INSC: variants seen among roughly 807,000 people sequenced by gnomAD.
INSC encodes protein inscuteable homolog.
INSC carries 67 observed loss-of-function variants against 58.6 expected under a neutral mutation model. That is an observed-to-expected ratio of 1.14 (90% CI 0.94 to 1.40). INSC has a LOEUF of 1.40. INSC is among the 40% of genes most tolerant of loss of function. INSC has a pLI of 0.00. For missense variants in INSC, 714 were observed against 692.0 expected (o/e 1.03, Z -0.36); for synonymous variants, 262 against 276.1 (o/e 0.95, Z 0.51).
intron 7 of INSC, among the ~76,000 whole-genome samples, chr11:15,205,631 G>A (rs1474914096): frequency 6.6e-6 from 1 of 152,174 alleles, no homozygotes. Flanking sequence ...GGCTGGCCTG[G>A]TCAAAGTTGC....
At chr11:15,256,520 C>T in the INSC span, among the ~76,000 whole-genome samples, 7 of 141,420 alleles carry the variant, frequency 4.9e-5, no homozygotes, top group Non-Finnish European at 1.5e-5. Context: ...GAGGGAGTTT[C>T]GCTCTGTTGC....
At chr11:15,220,508 A>G (rs1263656600) in intron 7 of INSC, among the ~76,000 whole-genome samples, 2 of 152,310 alleles carry the variant, frequency 1.3e-5, no homozygotes, top group African/African-American at 4.8e-5. Context: ...AGGCAGCATC[A>G]CATCCTGTTC....
At position 15,245,984 on chromosome 11, in the gene INSC, C is replaced by G. The variant is rs1725639915; in HGVS notation, c.1543C>G (p.Pro515Ala). 1.2e-6 allele frequency: 2 copies of G among 1,614,188 alleles called. No homozygotes were observed. Among genetic ancestry groups the G allele is most frequent in the African/African-American group, 2.7e-5 (2 of 75,046 alleles). ...QDSDFQQLVQ[P>A]RLVDSFLLCS... is the part of the protein sequence containing the mutation. ...CTCTGACTTTCAGCAGTTGGTCCAG[C>G]CTCGGCTGGTGGACTCCTTCTTACT... Residue 515 changes from proline (P) to alanine (A), a missense_variant, in exon 13 of 13, where the codon CCT (proline) becomes GCT (alanine). Physicochemically the swap from Pro to Ala is conservative, Grantham distance 27 (BLOSUM62 -1). Transcript: ENST00000379556.
At chr11:15,131,246 T>G (rs1436883884) in intron 1 of INSC, among the ~76,000 whole-genome samples, 1 of 152,072 alleles carries the variant, frequency 6.6e-6, no homozygotes, top group African/African-American at 2.4e-5. Flanking sequence ...ATCATTCAGG[T>G]TTATTTTCTA....
At chr11:15,266,036 A>T in the INSC span, among the ~76,000 whole-genome samples, 49 of 152,046 alleles carry the variant, frequency 3.2e-4, 2 homozygotes, top group East Asian at 8.7e-3. Flanking sequence ...GACCACATGC[A>T]TATTTGCTCA....
chr11:15,155,480 T>A (rs186276133), intron 2 of INSC, among the ~76,000 whole-genome samples: 1 of 152,368 alleles, frequency 6.6e-6, no homozygotes, highest in Admixed American at 6.5e-5. Flanking sequence ...TATGAAGTAC[T>A]GGGTGCTGTT....
At chr11:15,188,272 C>A (rs1319376546) in intron 5 of INSC, 1 of 985,326 alleles carries the variant, frequency 1.0e-6, no homozygotes, top group Admixed American at 6.1e-5. Flanking sequence ...TCCTATTTGG[C>A]AAAACTTGCT....
intron 2 of INSC, 112 bp downstream of exon 2, chr11:15,149,342 C>T: frequency 9.1e-7 from 1 of 1,098,142 alleles, no homozygotes; most frequent in Non-Finnish European, 1.2e-6. Context: ...ACGCAATTTT[C>T]TGGGGAGGAT....
the INSC span, among the ~76,000 whole-genome samples, chr11:15,256,683 T>C: frequency 2.6e-5 from 4 of 152,020 alleles, no homozygotes; most frequent in Non-Finnish European, 5.9e-5. Context: ...AGAGATGGGG[T>C]TTCACCATGT....
At chr11:15,190,574 A>C (rs147701455) in intron 5 of INSC, 127 bp from the exon 6 acceptor site, 171 of 725,532 alleles carry the variant, frequency 2.4e-4, no homozygotes, top group Middle Eastern at 1.4e-3. Context: ...ACAATGAGGC[A>C]GTAGCTAGGG....
chr11:15,128,169 C>T (rs1001606269), intron 1 of INSC, among the ~76,000 whole-genome samples: 7 of 152,014 alleles, frequency 4.6e-5, no homozygotes, highest in African/African-American at 1.7e-4. Flanking sequence ...CATTCCAGAT[C>T]TCTTGCTTAC....
rs576979984 is a variant in INSC, at chr11:15,191,259, G to A, written c.693+445G>A. On this transcript the variant is annotated intron_variant, in intron 6 of 12. Transcript: ENST00000379556. ...CTCCCAAAGTGCTGGGATTACAGGCGTGAGCCACCGTGCCCGGCCGGTGTC... is the reference window on the plus strand; with the variant it reads ...CTCCCAAAGTGCTGGGATTACAGGCATGAGCCACCGTGCCCGGCCGGTGTC... Among the ~76,000 whole-genome samples, 12 of 152,292 alleles carry A rather than the reference G, an allele frequency of 7.9e-5. No homozygotes were observed. In the East Asian group the frequency reaches 1.7e-3, roughly 22 times the overall value.
chr11:15,217,664 C>T (rs190375722), intron 7 of INSC, among the ~76,000 whole-genome samples: 41 of 152,132 alleles, frequency 2.7e-4, no homozygotes, highest in African/African-American at 7.9e-4. Context: ...TGCATCAGAA[C>T]GAAACGCTAG....
At chr11:15,193,072 G>C (rs1237210431) in intron 6 of INSC, among the ~76,000 whole-genome samples, 2 of 152,152 alleles carry the variant, frequency 1.3e-5, no homozygotes, top group African/African-American at 4.8e-5. Context: ...TTGAATTGCA[G>C]GTATTCAAAT....
chr11:15,120,939 CTT>C (rs554689523), intron 1 of INSC, among the ~76,000 whole-genome samples: 8 of 151,244 alleles, frequency 5.3e-5, no homozygotes, highest in Non-Finnish European at 1.0e-4. Flanking sequence ...ACTTTATTAA[CTT>C]TCATTCTCTC....
intron 10 of INSC, among the ~76,000 whole-genome samples, chr11:15,238,153 T>A (rs1590012031): frequency 6.6e-6 from 1 of 150,894 alleles, no homozygotes; most frequent in Non-Finnish European, 1.5e-5. Context: ...AAAGAAAGAG[T>A]GGGTAAAGGC....
At chr11:15,168,231 C>T (rs2133804100) in intron 2 of INSC, among the ~76,000 whole-genome samples, 1 of 152,196 alleles carries the variant, frequency 6.6e-6, no homozygotes, top group Admixed American at 6.5e-5. Context: ...TGTGTTAAGC[C>T]CCACATGCAT....
At chr11:15,256,373 G>A in the INSC span, among the ~76,000 whole-genome samples, 1 of 152,106 alleles carries the variant, frequency 6.6e-6, no homozygotes, top group African/African-American at 2.4e-5. Flanking sequence ...AAATTGAAAA[G>A]TTCACCATTT....
chr11:15,141,975 C>T (rs911294177), intron 1 of INSC, among the ~76,000 whole-genome samples: 9 of 152,192 alleles, frequency 5.9e-5, no homozygotes, highest in Non-Finnish European at 8.8e-5. Context: ...CCTGCTCAAA[C>T]ACCTTTGATG....
Sources: allele counts gnomAD v4.1 joint callset (sites outside exome capture counted in the v4.1 genomes callset), GRCh38; gene constraint gnomAD v4.1.1; transcripts MANE v1.5; gene names NCBI Gene and HGNC (gene_info 2026-07-23, HGNC 2026-07-21).